Variants in NAV2 observed in about 807,000 individuals in gnomAD.
NAV2 encodes the protein neuron navigator 2.
NAV2 carries 54 observed loss-of-function variants against 223.2 expected under a neutral mutation model. The observed-to-expected ratio is 0.24, with a 90% CI of 0.19 to 0.30. The LOEUF is 0.30. Ranked by LOEUF, NAV2 falls within the 10% of genes least tolerant of loss-of-function variation. The pLI is 1.00. For missense variants in NAV2, 2,806 were observed against 3,147.5 expected, an observed-to-expected ratio of 0.89 and a Z score of 2.60; for synonymous variants, 1,279 against 1,239.3, an observed-to-expected ratio of 1.03 and a Z score of -0.67.
In NAV2 at chr11:19,720,145, A is replaced by G. The variant is rs534239293; in HGVS notation, c.267+6183A>G. Among the ~76,000 whole-genome samples, 241 of 152,360 alleles carry G rather than the reference A, an allele frequency of 1.6e-3. 1 individual carries two copies. The highest frequency in any genetic ancestry group is 5.2e-3 in the African/African-American group (218 of 41,588). On this transcript the variant is annotated intron_variant, in intron 1 of 37. Transcript: ENST00000349880. ...GCCCCAAGGCATGGCCAGCTGCCCA[A>G]TGGTGCTTTACCAATAACCACAGGC...
At chr11:19,663,737 C>T (rs973881790) in intron 1 of NAV2, among the ~76,000 whole-genome samples, 8 of 152,212 alleles carry the variant, frequency 5.3e-5, no homozygotes, top group African/African-American at 1.9e-4. Context: ...CAAGTCTCCC[C>T]AGCCCTTTGC....
chr11:19,565,690 C>T lies in NAV2; in HGVS notation c.75+214663C>T, dbSNP rs532900502. On this transcript the variant is annotated intron_variant, in intron 1 of 37. Coordinates refer to the NAV2 transcript ENST00000360655. ...GAAATTAATGCCAGTAAAATGACTA[C>T]TACAGCCCACTCCCTGCTTTGAATA... 5.8e-4 allele frequency among the ~76,000 whole-genome samples: 88 copies of T among 152,270 alleles called. 1 individual carries two copies. Among genetic ancestry groups the T allele is most frequent in the African/African-American group, 2.1e-3 (86 of 41,552 alleles).
intron 1 of NAV2, among the ~76,000 whole-genome samples, chr11:19,459,101 T>A (rs1852061645): frequency 6.6e-6 from 1 of 152,194 alleles, no homozygotes; most frequent in Non-Finnish European, 1.5e-5. Context: ...CTACATCAAT[T>A]GTAACTTCTG....
rs1479467781 is a variant in NAV2, at chr11:19,713,521, GC to G, written c.-174del. 7.2e-7 allele frequency: 1 copy of G among 1,392,878 alleles called. No homozygotes were observed. Among genetic ancestry groups the G allele is most frequent in the Non-Finnish European group, 9.3e-7 (1 of 1,078,488 alleles). The allele number at this position is 1,392,878 out of a possible 1,614,324, so 86.3% of individuals were successfully genotyped here. A position where few individuals can be genotyped will look rare whatever the true frequency, so the allele number is the denominator to read the frequency against. On this transcript the variant is annotated 5_prime_UTR_variant, in exon 1 of 38. Transcript: ENST00000349880. This position sits in a 1 kb window ranked among gnomAD's most constrained non-coding sequence, Gnocchi z 7.2. Reference sequence around the variant, plus strand: ...ATTCCCATCCCGGCACCCCAAAGGCGCGCTCGCCCGATTGCTTCGAGTTCCC... The same window carrying G: ...ATTCCCATCCCGGCACCCCAAAGGCGGCTCGCCCGATTGCTTCGAGTTCCC...
At chr11:19,360,495 G>A (rs889441832) in intron 1 of NAV2, among the ~76,000 whole-genome samples, 3 of 152,112 alleles carry the variant, frequency 2.0e-5, no homozygotes, top group Admixed American at 1.3e-4. Flanking sequence ...AAGTCTCTCC[G>A]ACTGTTTTAA....
At chr11:19,634,803 AG>A (rs1403076131) in intron 1 of NAV2, among the ~76,000 whole-genome samples, 1 of 152,208 alleles carries the variant, frequency 6.6e-6, no homozygotes, top group Non-Finnish European at 1.5e-5. Context: ...AACTCAGCCT[AG>A]GAAAACAAGA....
chr11:19,528,877 C>G (rs1167512778), intron 1 of NAV2, among the ~76,000 whole-genome samples: 1 of 139,660 alleles, frequency 7.2e-6, no homozygotes, highest in African/African-American at 2.7e-5. Flanking sequence ...TTGCAGTTAG[C>G]TGAGATCATG....
intron 1 of NAV2, among the ~76,000 whole-genome samples, chr11:19,788,525 A>G (rs1369880934): frequency 4.6e-5 from 7 of 152,306 alleles, no homozygotes; most frequent in Admixed American, 3.3e-4. Context: ...GAGAACTGCC[A>G]TAATCTCCTA....
Position 20,044,111 on chromosome 11 carries a change from C to T in NAV2, c.3038C>T (p.Ser1013Phe), listed in dbSNP as rs142678873. ...EPGSKWRRNP[S>F]DVSDESDKST... The stretch of plus-strand genomic sequence containing the variant: ...GGTTCCAAGTGGAGGCGGAATCCTT[C>T]TGATGTGTCTGACGAGTCCGACAAA... The change falls in exon 13 of 38, where the codon TCT (serine) becomes TTT (phenylalanine). Residue 1013 changes from serine (S) to phenylalanine (F), a missense_variant. Ser to Phe is a radical substitution (Grantham distance 155). This residue lies in a region of NAV2 where 742 missense variants were observed against 777.9 expected (regional missense o/e 0.95). Transcript: ENST00000349880. 7.6e-5 allele frequency: 122 copies of T among 1,614,092 alleles called. No homozygotes were observed. The highest frequency in any genetic ancestry group is 1.0e-4 in the Admixed American group (6 of 60,012).
At chr11:20,067,628 C>T (rs940779197) in intron 20 of NAV2, among the ~76,000 whole-genome samples, 1 of 150,488 alleles carries the variant, frequency 6.6e-6, no homozygotes, top group African/African-American at 2.5e-5. Context: ...TGGGTGCATG[C>T]CATCACACCC....
chr11:19,575,101 C>T (rs182046711), intron 1 of NAV2, among the ~76,000 whole-genome samples: 3 of 152,312 alleles, frequency 2.0e-5, no homozygotes, highest in Admixed American at 2.0e-4. Context: ...ACTTAAGATC[C>T]GGGGTGCTGC....
chr11:20,075,154 G>C (rs1327727186), intron 22 of NAV2, among the ~76,000 whole-genome samples: 1 of 151,906 alleles, frequency 6.6e-6, no homozygotes, highest in East Asian at 1.9e-4. Context: ...CTCCAGGGCA[G>C]ACTAAAGCAT....
intron 1 of NAV2, among the ~76,000 whole-genome samples, chr11:19,759,757 T>A (rs1251734853): frequency 6.6e-6 from 1 of 152,112 alleles, no homozygotes; most frequent in Non-Finnish European, 1.5e-5. Context: ...TGGGGTTTTT[T>A]AATGTGAACT....
At chr11:19,512,929 C>G (rs1399811901) in intron 1 of NAV2, among the ~76,000 whole-genome samples, 1 of 152,128 alleles carries the variant, frequency 6.6e-6, no homozygotes, top group African/African-American at 2.4e-5. Context: ...AATAGTGAAT[C>G]CCTTTGATTT....
intron 1 of NAV2, among the ~76,000 whole-genome samples, chr11:19,728,909 A>G (rs1559665): frequency 0.59 from 89,559 of 152,030 alleles, 28,336 homozygotes; most frequent in African/African-American, 0.84. Flanking sequence ...CAAGGAACGT[A>G]TGCAGAGAAA....
intron 1 of NAV2, among the ~76,000 whole-genome samples, chr11:19,518,854 C>A (rs1037448659): frequency 2.0e-5 from 3 of 152,010 alleles, no homozygotes; most frequent in African/African-American, 4.8e-5. Context: ...GGAGGCGGGG[C>A]CTTTGAGAGG....
intron 1 of NAV2, among the ~76,000 whole-genome samples, chr11:19,620,109 A>T (rs939217452): frequency 3.3e-5 from 5 of 152,070 alleles, no homozygotes; most frequent in Non-Finnish European, 7.3e-5. Flanking sequence ...GTTCTGTTCC[A>T]TTGATCTATA....
chr11:20,082,707 T>G, intron 25 of NAV2: 2 of 1,164,158 alleles, frequency 1.7e-6, no homozygotes, highest in Non-Finnish European at 2.6e-6. Context: ...TTTGTTGCTG[T>G]GTAACCTCAT....
chr11:20,070,233 C>T (rs2059315487), intron 22 of NAV2, among the ~76,000 whole-genome samples: 1 of 152,064 alleles, frequency 6.6e-6, no homozygotes, highest in Admixed American at 6.6e-5. Flanking sequence ...GAATCCAGAA[C>T]AAACCCTAGA....
Sources: gnomAD v4.1 joint callset for allele counts (sites outside exome capture counted in the v4.1 genomes callset) on GRCh38, gnomAD v4.1.1 for gene constraint, gnomAD v4.1.1 regional missense constraint, Gnocchi (gnomAD v3.1) non-coding constraint, MANE v1.5 for transcripts, NCBI Gene and HGNC (gene_info 2026-07-23, HGNC 2026-07-21) for gene names.